The following CD300LD variants were observed in gnomAD, a reference collection of about 807,000 sequenced individuals.
CD300LD encodes the protein CD300 molecule like family member d, also known as CMRF35-like molecule 5.
In CD300LD, 18 loss-of-function variants were observed where a neutral mutation model predicts 20.3. The observed-to-expected ratio is 0.89, with a 90% confidence interval of 0.61 to 1.32. CD300LD has a LOEUF of 1.32. Among genes scored for constraint, CD300LD ranks in the 40% most tolerant of loss-of-function variants. CD300LD has a pLI of 0.00. For missense variants in CD300LD, 195 were observed against 226.6 expected, an observed-to-expected ratio of 0.86 and a Z score of 0.90; for synonymous variants, 104 against 90.1, an observed-to-expected ratio of 1.15 and a Z score of -0.87.
Position 74,579,931 on chromosome 17 carries a change from G to T in CD300LD, c.*71C>A. 2 of 863,410 alleles carry T rather than the reference G, an allele frequency of 2.3e-6. No homozygotes were observed. The highest frequency in any genetic ancestry group is 3.8e-6 in the Non-Finnish European group (2 of 526,534). 53.5% of individuals were successfully genotyped at this position (863,410 alleles called of 1,614,324 possible). On this transcript the variant is annotated 3_prime_UTR_variant, in exon 4 of 4. Transcript: ENST00000375352. ...AAAGAAAATGTTTTTTCTTCTGTGGGAGGGCCTTTCGCCCTGGACAGGACG... is the reference window on the plus strand; with the variant it reads ...AAAGAAAATGTTTTTTCTTCTGTGGTAGGGCCTTTCGCCCTGGACAGGACG...
chr17:74,582,201 G>C lies in CD300LD; in HGVS notation c.473+17C>G, dbSNP rs758488036. The C allele has an allele frequency of 8.9e-5, 143 of 1,611,386 alleles. No homozygotes were observed. In the Admixed American group the frequency reaches 2.4e-3, roughly 27 times the overall value. On this transcript the variant is annotated intron_variant, in intron 3 of 3. Coordinates refer to ENST00000375352, the MANE Select transcript of CD300LD (RefSeq NM_001115152.2). ...GGCCAGGCCTGTGCGAAAGTGGTGG[G>C]ACCTGGCTCCACCTACCTGGTGAGG... is the stretch of plus-strand genomic sequence containing the variant.
At chr17:74,582,532 C>A (rs1003237893) in intron 2 of CD300LD, among the ~76,000 whole-genome samples, 1 of 152,224 alleles carries the variant, frequency 6.6e-6, no homozygotes, top group African/African-American at 2.4e-5. Context: ...AGGGAATTTG[C>A]AATCATCAGT....
At chr17:74,583,197 A>G (rs1027866899) in intron 2 of CD300LD, among the ~76,000 whole-genome samples, 4 of 152,118 alleles carry the variant, frequency 2.6e-5, no homozygotes, top group African/African-American at 4.8e-5. Context: ...CCTAAAAATT[A>G]TATGTTGATA....
In CD300LD at chr17:74,580,072, A is replaced by G; in HGVS notation, c.515T>C (p.Leu172Pro). The change falls in exon 4 of 4, where the codon CTG (leucine) becomes CCG (proline). Residue 172 changes from leucine to proline, a missense_variant. By Grantham distance (98) the Leu-to-Pro change is moderately conservative (BLOSUM62 -3). Coordinates refer to ENST00000375352, the MANE Select transcript of CD300LD (RefSeq NM_001115152.2). The part of the protein sequence containing the change: ...KSTHFLFLFL[L>P]ELPLLLSMLG... Reference sequence around the variant, plus strand: ...CATGCTCAGGAGCAGAGGCAGCTCCAGGAGGAACAGGAACAGGAAGTGGGT... The same window carrying G: ...CATGCTCAGGAGCAGAGGCAGCTCCGGGAGGAACAGGAACAGGAAGTGGGT... 1.2e-6 allele frequency: 2 copies of G among 1,613,330 alleles called. No homozygotes were observed. The highest frequency in any genetic ancestry group is 1.7e-6 in the Non-Finnish European group (2 of 1,179,590).
At chr17:74,581,255 G>A (rs1217903093) in intron 3 of CD300LD, among the ~76,000 whole-genome samples, 1 of 147,170 alleles carries the variant, frequency 6.8e-6, no homozygotes, top group East Asian at 1.9e-4. Flanking sequence ...ACTCAAGATC[G>A]AGTGAATAAA....
At chr17:74,581,561 C>T (rs1272939511) in intron 3 of CD300LD, among the ~76,000 whole-genome samples, 1 of 152,258 alleles carries the variant, frequency 6.6e-6, no homozygotes, top group African/African-American at 2.4e-5. Context: ...GAACGCCAAA[C>T]TTCCAGCTTC....
At chr17:74,581,908 C>A (rs1270500809) in intron 3 of CD300LD, among the ~76,000 whole-genome samples, 1 of 152,164 alleles carries the variant, frequency 6.6e-6, no homozygotes, top group Non-Finnish European at 1.5e-5. Context: ...TTTACTGATA[C>A]AAAGACGAAA....
At chr17:74,581,573 C>G (rs1307725596) in intron 3 of CD300LD, among the ~76,000 whole-genome samples, 1 of 152,230 alleles carries the variant, frequency 6.6e-6, no homozygotes, top group Non-Finnish European at 1.5e-5. Context: ...TCCAGCTTCC[C>G]CCTTTCCCTC....
At chr17:74,581,077 G>A (rs74397608) in intron 3 of CD300LD, among the ~76,000 whole-genome samples, 8,630 of 151,756 alleles carry the variant, frequency 0.057, 351 homozygotes, top group Non-Finnish European at 0.085. Flanking sequence ...TTCACTCTTG[G>A]GGCTCTCCTG....
chr17:74,586,703 C>G (rs1568023047), intron 2 of CD300LD, among the ~76,000 whole-genome samples: 1 of 152,166 alleles, frequency 6.6e-6, no homozygotes, highest in Non-Finnish European at 1.5e-5. Flanking sequence ...ACAAACCCAC[C>G]AAGATTCCCA....
At chr17:74,590,898 C>G (rs1017698116) in intron 1 of CD300LD, among the ~76,000 whole-genome samples, 4 of 151,814 alleles carry the variant, frequency 2.6e-5, no homozygotes, top group African/African-American at 9.7e-5. Flanking sequence ...GGCAACATAG[C>G]GAGACTAAAT....
At chr17:74,587,868 T>C (rs1424005913) in intron 2 of CD300LD, among the ~76,000 whole-genome samples, 2 of 151,664 alleles carry the variant, frequency 1.3e-5, no homozygotes, top group Admixed American at 6.6e-5. Flanking sequence ...AAAATGTGCC[T>C]AGAAAGACTT....
chr17:74,581,262 T>TAA (rs376966087), intron 3 of CD300LD, among the ~76,000 whole-genome samples: 1 of 139,922 alleles, frequency 7.1e-6, no homozygotes, highest in African/African-American at 2.6e-5. Context: ...ATCGAGTGAA[T>TAA]AAAAAAAAAA....
At chr17:74,583,332 G>A (rs1176452197) in intron 2 of CD300LD, among the ~76,000 whole-genome samples, 1 of 152,222 alleles carries the variant, frequency 6.6e-6, no homozygotes, top group Non-Finnish European at 1.5e-5. Context: ...GTTCTCTGAA[G>A]AGGAGATGAG....
downstream of CD300LD, among the ~76,000 whole-genome samples, chr17:74,579,150 G>A (rs539848649): frequency 6.6e-5 from 10 of 152,336 alleles, no homozygotes; most frequent in Admixed American, 5.9e-4. Flanking sequence ...TTCCCCACAA[G>A]TGGCAGGAGA....
rs1363072281 is a variant in CD300LD, at chr17:74,588,521, G to A, written c.369C>T (p.Thr123=). ...GIDLGVKVQV[T]INPGTQTAVS... ...TACACTCCCTCTTACCTGGGTTAAT[G>A]GTCACTTGAACTTTGACCCCAAGAT... is the stretch of plus-strand genomic sequence containing the variant. The change falls in exon 2 of 4, where the codon ACC becomes ACT. Residue 123 remains threonine (T), a synonymous_variant. Transcript: ENST00000375352. The A allele has an allele frequency of 6.2e-7, 1 of 1,607,894 alleles. No homozygotes were observed. The highest frequency in any genetic ancestry group is 8.5e-7 in the Non-Finnish European group (1 of 1,175,844).
intron 2 of CD300LD, among the ~76,000 whole-genome samples, chr17:74,587,815 C>T (rs771717601): frequency 2.6e-5 from 4 of 151,968 alleles, no homozygotes; most frequent in Admixed American, 2.0e-4. Context: ...ACCCTGTCAT[C>T]TGTGGGCAAC....
At chr17:74,590,392 A>C (rs910824320) in intron 1 of CD300LD, 1 of 152,262 alleles carries the variant, frequency 6.6e-6, no homozygotes, top group Admixed American at 6.5e-5. Flanking sequence ...TTCGTTTTCT[A>C]TAAGTGGGAA....
chr17:74,592,041 G>T (rs778091698), intron 1 of CD300LD, 122 bp downstream of exon 1: 1 of 1,604,254 alleles, frequency 6.2e-7, no homozygotes, highest in African/African-American at 1.3e-5. Flanking sequence ...ATGAATATGG[G>T]CATGGATGGA....
Sources: allele counts gnomAD v4.1 joint callset (sites outside exome capture counted in the v4.1 genomes callset), GRCh38; gene constraint gnomAD v4.1.1; transcripts MANE v1.5; gene names NCBI Gene and HGNC (gene_info 2026-07-23, HGNC 2026-07-21).